The following MME variants were observed in gnomAD, a reference collection of about 807,000 sequenced individuals.
MME encodes neprilysin.
MME carries 98 observed loss-of-function variants against 113.2 expected under a neutral mutation model. The ratio of observed to expected loss-of-function variants is 0.87; its 90% CI spans 0.74 to 1.02. The LOEUF (loss-of-function observed/expected upper bound fraction) is 1.02. Ranked by LOEUF, MME falls within the 50% of genes least tolerant of loss-of-function variation. The pLI is 0.00. For synonymous variants in MME, 292 were observed against 300.6 expected (o/e 0.97, Z 0.30); for missense variants, 836 against 896.0 (o/e 0.93, Z 0.86).
intron 9 of MME, among the ~76,000 whole-genome samples, chr3:155,139,510 T>C (rs1720892259): frequency 6.6e-6 from 1 of 152,228 alleles, no homozygotes; most frequent in South Asian, 2.1e-4. Flanking sequence ...CTTTACCTTT[T>C]GTCTCTTCTC....
intron 3 of MME, among the ~76,000 whole-genome samples, chr3:155,106,187 A>C (rs1401670540): frequency 6.6e-6 from 1 of 152,224 alleles, no homozygotes; most frequent in African/African-American, 2.4e-5. Flanking sequence ...GTAAGTCTGC[A>C]GCTAGTTTCT....
intron 3 of MME, among the ~76,000 whole-genome samples, chr3:155,099,603 G>A (rs2108212372): frequency 6.6e-6 from 1 of 152,306 alleles, no homozygotes; most frequent in African/African-American, 2.4e-5. Context: ...AGTATTAAAT[G>A]GTGGAGCTCC....
intron 5 of MME, 32 bp downstream of exon 5, chr3:155,116,591 T>TATATATATAG: frequency 4.1e-6 from 2 of 487,088 alleles, no homozygotes; most frequent in Non-Finnish European, 5.5e-6. Flanking sequence ...TCATTAGGAG[T>TATATATATAG]ATATATATAT....
intron 1 of MME, among the ~76,000 whole-genome samples, chr3:155,061,344 G>A (rs1232667843): frequency 1.3e-5 from 2 of 151,526 alleles, no homozygotes; most frequent in Non-Finnish European, 2.9e-5. Flanking sequence ...CCAGCTACTT[G>A]GGAGGCTGAG....
chr3:155,065,078 C>A (rs576573683), intron 1 of MME, among the ~76,000 whole-genome samples: 65 of 152,312 alleles, frequency 4.3e-4, no homozygotes, highest in Middle Eastern at 6.8e-3. Context: ...CTGTGACAAT[C>A]CTGTTTCCAA....
At position 155,060,743 on chromosome 3, in the gene MME, G is replaced by A. The variant is rs934301257; in HGVS notation, c.-10-23415G>A. ...GAGGGTGGAAGTCTGTAATCACAGT[G>A]CCAGCATGGTCAGGTTCTTAGTGAG... On this transcript the variant is annotated intron_variant, in intron 1 of 22. Transcript: ENST00000492661. Among the ~76,000 whole-genome samples the A allele has an allele frequency of 6.6e-5, 10 of 152,240 alleles. No homozygotes were observed. The East Asian group carries it at 1.9e-3, about 29-fold the overall frequency.
chr3:155,060,829 CAGAGAGAG>C (rs138935329), intron 1 of MME, among the ~76,000 whole-genome samples: 34 of 137,748 alleles, frequency 2.5e-4, no homozygotes, highest in East Asian at 1.3e-3. Context: ...TGCAGAGAGG[CAGAGAGAG>C]AGAGAGAGAG....
At chr3:155,134,955 C>T (rs1197986610) in intron 8 of MME, among the ~76,000 whole-genome samples, 3 of 151,870 alleles carry the variant, frequency 2.0e-5, no homozygotes, top group Non-Finnish European at 1.5e-5. Flanking sequence ...GTGTCTGTTC[C>T]TGTCTTTTCC....
chr3:155,143,294 A>G, intron 12 of MME, 149 bp from the exon 13 acceptor site: 1 of 909,672 alleles, frequency 1.1e-6, no homozygotes, highest in Non-Finnish European at 1.7e-6. Context: ...TTTGGATTAC[A>G]TTTCATCATA....
intron 4 of MME, among the ~76,000 whole-genome samples, chr3:155,115,813 C>G (rs1718551509): frequency 6.6e-6 from 1 of 152,100 alleles, no homozygotes; most frequent in Non-Finnish European, 1.5e-5. Context: ...CTACCCAAAC[C>G]CTGTGTTAAA....
chr3:155,093,587 T>C (rs1311370353), intron 3 of MME, among the ~76,000 whole-genome samples: 2 of 152,102 alleles, frequency 1.3e-5, no homozygotes, highest in Non-Finnish European at 2.9e-5. Context: ...GACGGGCGTT[T>C]TGGCTCACGT....
Position 155,154,282 on chromosome 3 carries a change from G to T in MME, c.1601+5629G>T, listed in dbSNP as rs16824624. Among the ~76,000 whole-genome samples the T allele has an allele frequency of 2.8e-3, 422 of 152,188 alleles. 3 individuals are homozygous for T. The highest frequency in any genetic ancestry group is 9.8e-3 in the African/African-American group (407 of 41,528). On this transcript the variant is annotated intron_variant, in intron 16 of 22. Transcript: ENST00000360490. ...GCAGCTCAACATCTGTGACTCCGTG[G>T]TGCATATAGAAAGTTCCTGAAAGGC...
intron 1 of MME, among the ~76,000 whole-genome samples, chr3:155,031,065 T>A (rs1432137886): frequency 6.6e-6 from 1 of 152,180 alleles, no homozygotes; most frequent in Non-Finnish European, 1.5e-5. Flanking sequence ...CTACAGGGGA[T>A]CCAAAGAGGG....
At chr3:155,131,872 G>T (rs1377389072) in intron 8 of MME, among the ~76,000 whole-genome samples, 3 of 152,160 alleles carry the variant, frequency 2.0e-5, no homozygotes, top group African/African-American at 7.2e-5. Context: ...ATTGAGAAAT[G>T]TTTCTAAGCT....
At chr3:155,148,338 A>G (rs61758204) in intron 15 of MME, among the ~76,000 whole-genome samples, 44 of 152,158 alleles carry the variant, frequency 2.9e-4, no homozygotes, top group Non-Finnish European at 5.1e-4. Context: ...ATTATAAAAT[A>G]ATACACTGAA....
intron 1 of MME, among the ~76,000 whole-genome samples, chr3:155,037,929 C>T (rs1351547294): frequency 6.6e-6 from 1 of 151,758 alleles, no homozygotes; most frequent in African/African-American, 2.4e-5. Context: ...TCTTTAGCTG[C>T]GTGTGTGTTG....
At chr3:155,061,974 G>A (rs908115371) in intron 1 of MME, among the ~76,000 whole-genome samples, 1 of 152,094 alleles carries the variant, frequency 6.6e-6, no homozygotes, top group African/African-American at 2.4e-5. Context: ...TGTCTACTCT[G>A]TATGTTCTTT....
chr3:155,167,563 A>T (rs9864538), intron 18 of MME, among the ~76,000 whole-genome samples: 1 of 151,910 alleles, frequency 6.6e-6, no homozygotes, highest in Non-Finnish European at 1.5e-5. Context: ...AATTCCTGAG[A>T]GGAATAAAGA....
At chr3:155,133,058 A>ATATATATATATATAT (rs1399456952) in intron 8 of MME, among the ~76,000 whole-genome samples, 21 of 84,204 alleles carry the variant, frequency 2.5e-4, no homozygotes, top group Non-Finnish European at 3.3e-4. Context: ...AAAAAAAAAA[A>ATATATATATATATAT]AAAAATATAT....
Sources: gnomAD v4.1 joint callset for allele counts (sites outside exome capture counted in the v4.1 genomes callset) on GRCh38, gnomAD v4.1.1 for gene constraint, MANE v1.5 for transcripts, NCBI Gene and HGNC (gene_info 2026-07-23, HGNC 2026-07-21) for gene names.